Variants in SPAG16 observed in about 807,000 individuals in gnomAD.
SPAG16 encodes the protein sperm-associated antigen 16 protein.
Under a neutral mutation model 80.4 loss-of-function variants are expected in SPAG16, and 86 were observed. The observed-to-expected ratio is 1.07, with a 90% CI of 0.90 to 1.28. SPAG16 has a LOEUF of 1.28. SPAG16 is among the 50% of genes most tolerant of loss of function. The pLI, the probability that SPAG16 is intolerant of heterozygous loss-of-function variation, is 0.00. For missense variants in SPAG16, 870 were observed against 765.3 expected (o/e 1.14, Z -1.61); for synonymous variants, 294 against 265.9 (o/e 1.11, Z -1.03).
At chr2:213,649,226 C>G (rs1448819392) in intron 10 of SPAG16, among the ~76,000 whole-genome samples, 2 of 152,120 alleles carry the variant, frequency 1.3e-5, no homozygotes, top group Non-Finnish European at 2.9e-5. Flanking sequence ...GACCTACTAA[C>G]AGTTGGCAGG....
At chr2:213,792,011 T>G (rs370072672) in intron 10 of SPAG16, among the ~76,000 whole-genome samples, 3 of 152,222 alleles carry the variant, frequency 2.0e-5, no homozygotes, top group East Asian at 3.8e-4. Context: ...CAGAACAAGA[T>G]AGCTTCCCAA....
Position 213,489,991 on chromosome 2 carries a change from C to A in SPAG16, c.971C>A (p.Pro324Gln). Residue 324 changes from proline to glutamine, a missense_variant, in exon 10 of 16, where the codon CCA becomes CAA. Pro to Gln is a moderately conservative substitution (Grantham distance 76, BLOSUM62 -1). Coordinates refer to ENST00000331683, the MANE Select transcript of SPAG16 (RefSeq NM_024532.5). ...KDSEFPIDMQPNPNLNVSKES... is the reference protein window; with the variant it reads ...KDSEFPIDMQQNPNLNVSKES... ...TCAGAATTTCCCATAGATATGCAAC[C>A]AAATCCAAACCTGAATGTTTCTAAA... 4.4e-6 allele frequency: 7 copies of A among 1,606,578 alleles called. No individual in the cohort carries two copies. Among genetic ancestry groups the A allele is most frequent in the Non-Finnish European group, 5.9e-6 (7 of 1,177,098 alleles).
At chr2:214,292,767 T>C (rs949428780) in intron 15 of SPAG16, among the ~76,000 whole-genome samples, 3 of 152,240 alleles carry the variant, frequency 2.0e-5, no homozygotes, top group African/African-American at 7.2e-5. Flanking sequence ...TCTGGTGTAG[T>C]AGTTGCTTCT....
At chr2:214,056,951 A>C (rs1003668651) in intron 13 of SPAG16, among the ~76,000 whole-genome samples, 1 of 152,144 alleles carries the variant, frequency 6.6e-6, no homozygotes, top group African/African-American at 2.4e-5. Context: ...CTTCTCATCC[A>C]TTAAAATTTT....
At chr2:214,338,553 A>G (rs976991302) in intron 15 of SPAG16, among the ~76,000 whole-genome samples, 2 of 152,070 alleles carry the variant, frequency 1.3e-5, no homozygotes, top group African/African-American at 2.4e-5. Flanking sequence ...TGGTATTCCT[A>G]TGGTTGTGAA....
intron 15 of SPAG16, among the ~76,000 whole-genome samples, chr2:214,172,432 G>A (rs546584693): frequency 6.7e-4 from 102 of 151,214 alleles, no homozygotes; most frequent in African/African-American, 2.4e-3. Context: ...AACTCATCAC[G>A]TTTTATGGCT....
intron 10 of SPAG16, among the ~76,000 whole-genome samples, chr2:213,672,442 T>A (rs907264989): frequency 3.3e-5 from 5 of 152,108 alleles, no homozygotes; most frequent in African/African-American, 1.2e-4. Flanking sequence ...ACAACCCTTC[T>A]CAGGTAAGAT....
chr2:214,302,047 T>C (rs1694589873), intron 15 of SPAG16, among the ~76,000 whole-genome samples: 1 of 152,200 alleles, frequency 6.6e-6, no homozygotes, highest in African/African-American at 2.4e-5. Flanking sequence ...CCAAAAGTTA[T>C]TCAGGAGCAA....
At chr2:213,514,617 C>G (rs1343187593) in intron 10 of SPAG16, among the ~76,000 whole-genome samples, 3 of 114,338 alleles carry the variant, frequency 2.6e-5, no homozygotes, top group East Asian at 3.1e-4. Context: ...TCCCTCCCCC[C>G]TCCCCCCACC....
At chr2:213,334,434 C>T (rs2064253246) in intron 5 of SPAG16, among the ~76,000 whole-genome samples, 3 of 152,124 alleles carry the variant, frequency 2.0e-5, no homozygotes, top group Admixed American at 2.0e-4. Context: ...ACCATATGAT[C>T]CAGCAATCTT....
chr2:213,509,504 T>G (rs1215388009), intron 10 of SPAG16, among the ~76,000 whole-genome samples: 1 of 152,230 alleles, frequency 6.6e-6, no homozygotes, highest in Non-Finnish European at 1.5e-5. Flanking sequence ...TTCATCCATC[T>G]GTCCATCTAA....
chr2:214,102,777 G>C (rs1485486222), intron 13 of SPAG16, among the ~76,000 whole-genome samples: 1 of 105,254 alleles, frequency 9.5e-6, no homozygotes, highest in Non-Finnish European at 2.1e-5. Context: ...AGCAGAAAAA[G>C]AGACCGAGAC....
chr2:214,410,292 G>A lies in SPAG16; in HGVS notation c.1873G>A (p.Gly625Ser), dbSNP rs371003630. ...GATTCTCTTTTCTGGAGGCTCTGAC[G>A]GCACAGTTCGAACGTGGTCTTGACC... ...GEILFSGGSD[G>S]TVRTWS Residue 625 changes from glycine to serine, a missense_variant, in exon 16 of 16, where the codon GGC (glycine) becomes AGC (serine). Coordinates refer to ENST00000331683, the MANE Select transcript of SPAG16 (RefSeq NM_024532.5). 67 of 1,605,926 alleles carry A rather than the reference G, an allele frequency of 4.2e-5. No homozygotes were observed. The highest frequency in any genetic ancestry group is 5.5e-5 in the Non-Finnish European group (64 of 1,173,198).
At chr2:213,444,663 C>G (rs1393319529) in intron 9 of SPAG16, among the ~76,000 whole-genome samples, 2 of 151,878 alleles carry the variant, frequency 1.3e-5, no homozygotes, top group Non-Finnish European at 2.9e-5. Flanking sequence ...TTATTTCTTT[C>G]ATCAATATGT....
At chr2:213,966,084 G>A (rs913688586) in intron 12 of SPAG16, among the ~76,000 whole-genome samples, 15 of 151,964 alleles carry the variant, frequency 9.9e-5, no homozygotes, top group Non-Finnish European at 2.9e-5. Context: ...CATATACCTA[G>A]GGCAGAGGAA....
At chr2:213,966,699 T>C (rs2044728184) in intron 12 of SPAG16, among the ~76,000 whole-genome samples, 1 of 152,228 alleles carries the variant, frequency 6.6e-6, no homozygotes, top group Admixed American at 6.5e-5. Flanking sequence ...TTATTAAAAA[T>C]AGTGATGCCT....
intron 13 of SPAG16, among the ~76,000 whole-genome samples, chr2:214,031,348 A>G (rs1316509669): frequency 6.7e-6 from 1 of 148,264 alleles, no homozygotes; most frequent in Non-Finnish European, 1.5e-5. Flanking sequence ...ACAAAAAACC[A>G]AACACCGCAT....
At chr2:213,311,546 TGTTA>T (rs1347490610) in intron 4 of SPAG16, among the ~76,000 whole-genome samples, 15 of 151,832 alleles carry the variant, frequency 9.9e-5, no homozygotes, top group African/African-American at 3.6e-4. Flanking sequence ...CTAAGATTAC[TGTTA>T]GTATTAGGAT....
At chr2:213,986,995 AAAGCATTTATTTTTATTG>A in intron 12 of SPAG16, among the ~76,000 whole-genome samples, 2 of 152,068 alleles carry the variant, frequency 1.3e-5, no homozygotes, top group East Asian at 3.9e-4. Context: ...AAAATGCTAC[AAAGCATTTATTTTTATTG>A]ATCTTGAGAT....
Sources: allele counts gnomAD v4.1 joint callset (sites outside exome capture counted in the v4.1 genomes callset), GRCh38; gene constraint gnomAD v4.1.1; transcripts MANE v1.5; gene names NCBI Gene and HGNC (gene_info 2026-07-23, HGNC 2026-07-21).